NSD2: variants seen among roughly 807,000 people sequenced by gnomAD.
NSD2 encodes nuclear receptor binding SET domain protein 2, also known as histone-lysine N-methyltransferase NSD2.
A neutral mutation model predicts 139.0 loss-of-function variants in NSD2; 12 were observed. That is an observed-to-expected ratio of 0.09 (90% CI 0.06 to 0.14). NSD2 has a LOEUF of 0.14. Ranked by LOEUF, NSD2 falls within the 10% of genes least tolerant of loss-of-function variation. NSD2 has a pLI of 1.00. For synonymous variants in NSD2, 669 were observed against 648.7 expected (o/e 1.03, Z -0.48); for missense variants, 1,155 against 1,745.0 (o/e 0.66, Z 6.02).
Position 1,908,512 on chromosome 4 carries a change from C to T in NSD2, c.760+4134C>T, listed in dbSNP as rs577471143. 5.4e-4 allele frequency among the ~76,000 whole-genome samples: 82 copies of T among 152,322 alleles called. No individual in the cohort carries two copies. In the South Asian group the frequency reaches 0.017, roughly 31 times the overall value. On this transcript the variant is annotated intron_variant, in intron 3 of 21. Coordinates refer to ENST00000508803, the MANE Select transcript of NSD2 (RefSeq NM_001042424.3). ...ATTTGAAAAGCAGTTCAGAAGGAGT[C>T]AAGCCTGGGTAGATAACCCTCCAAC...
chr4:1,883,551 G>A (rs985206354), intron 1 of NSD2, among the ~76,000 whole-genome samples: 1 of 150,496 alleles, frequency 6.6e-6, no homozygotes, highest in Non-Finnish European at 1.5e-5. Flanking sequence ...AGAATTGCTT[G>A]AACCAGAAGG....
intron 1 of NSD2, among the ~76,000 whole-genome samples, chr4:1,888,899 G>GT (rs1274324016): frequency 8.2e-5 from 12 of 146,806 alleles, no homozygotes; most frequent in South Asian, 6.5e-4. Context: ...ATGTATATTA[G>GT]TATTTTTTTT....
In NSD2 at chr4:1,972,226, G is replaced by A. The variant is rs968508443; in HGVS notation, c.3373-2637G>A. On this transcript the variant is annotated intron_variant, in intron 18 of 21. Transcript: ENST00000508803. This position sits in a 1 kb window ranked among gnomAD's most constrained non-coding sequence, Gnocchi z 4.0. The stretch of plus-strand genomic sequence containing the variant: ...TTGATGCGTGTATTGAATGGAGCAG[G>A]CTTCTGTGGAAAGTTCGGCAGTGTC... 6.6e-6 allele frequency among the ~76,000 whole-genome samples: 1 copy of A among 152,220 alleles called. No individual in the cohort carries two copies. The highest frequency in any genetic ancestry group is 1.5e-5 in the Non-Finnish European group (1 of 68,052).
Position 1,918,115 on chromosome 4 carries a change from TAC to T in NSD2, c.928-24_928-23del, listed in dbSNP as rs763432475. On this transcript the variant is annotated intron_variant, in intron 4 of 21. Coordinates refer to ENST00000508803, the MANE Select transcript of NSD2 (RefSeq NM_001042424.3). ...ACTTTTATGTTTGTGTAGTGAAACTTACAGTGTCTCTTTTTTTTTTCCCAGCT... is the reference window on the plus strand; with the variant it reads ...ACTTTTATGTTTGTGTAGTGAAACTTAGTGTCTCTTTTTTTTTTCCCAGCT... The T allele has an allele frequency of 8.7e-4, 1,388 of 1,597,762 alleles. 3 individuals are homozygous for T. Among genetic ancestry groups the T allele is most frequent in the Middle Eastern group, 2.1e-3 (11 of 5,298 alleles).
intron 6 of NSD2, among the ~76,000 whole-genome samples, chr4:1,932,907 G>T (rs1298136756): frequency 6.6e-6 from 1 of 152,216 alleles, no homozygotes; most frequent in East Asian, 1.9e-4. Flanking sequence ...CGAGGCGCGG[G>T]GCTGGCTTTG....
At chr4:1,875,278 T>A (rs1331840995) in intron 1 of NSD2, among the ~76,000 whole-genome samples, 2 of 149,540 alleles carry the variant, frequency 1.3e-5, no homozygotes, top group Non-Finnish European at 3.0e-5. Flanking sequence ...TATAGCTTTT[T>A]ACTTTTTTTT....
At chr4:1,915,335 C>T (rs1452689243) in intron 3 of NSD2, among the ~76,000 whole-genome samples, 1 of 151,946 alleles carries the variant, frequency 6.6e-6, no homozygotes. Flanking sequence ...AGGATGGTCT[C>T]GATTTCCTGA....
intron 11 of NSD2, 147 bp downstream of exon 11, chr4:1,952,378 A>G: frequency 7.9e-7 from 1 of 1,260,744 alleles, no homozygotes; most frequent in African/African-American, 1.5e-5. Context: ...CTTGTAGCCC[A>G]CAGCTGGCAG....
intron 1 of NSD2, among the ~76,000 whole-genome samples, chr4:1,883,146 A>G (rs1714827288): frequency 6.6e-6 from 1 of 152,188 alleles, no homozygotes. Context: ...TGTCTGACAG[A>G]ACCAGATGGC....
At chr4:1,873,372 C>G (rs559266523) in intron 1 of NSD2, among the ~76,000 whole-genome samples, 1 of 152,126 alleles carries the variant, frequency 6.6e-6, no homozygotes, top group African/African-American at 2.4e-5. Context: ...CGTATCTATT[C>G]GTATGTAACA....
chr4:1,884,584 G>C (rs1160491428), intron 1 of NSD2, among the ~76,000 whole-genome samples: 2 of 151,776 alleles, frequency 1.3e-5, no homozygotes, highest in African/African-American at 4.8e-5. Context: ...AGTAGAGATG[G>C]GGTTTCACTA....
intron 4 of NSD2, among the ~76,000 whole-genome samples, chr4:1,917,279 A>G (rs1178480039): frequency 1.3e-5 from 2 of 152,176 alleles, no homozygotes; most frequent in Non-Finnish European, 2.9e-5. Flanking sequence ...TAGAATTTAT[A>G]TATACACATA....
At chr4:1,911,587 CAAAAAAAAAAAAAAA>C (rs372660600) in intron 3 of NSD2, among the ~76,000 whole-genome samples, 1 of 42,076 alleles carries the variant, frequency 2.4e-5, no homozygotes, top group Non-Finnish European at 4.6e-5. Context: ...GACGCCATCT[CAAAAAAAAAAAAAAA>C]AAAAAGAAAA....
Position 1,980,842 on chromosome 4 carries a change from A to C in NSD2, c.*1933A>C, listed in dbSNP as rs547970864. 10 of 233,318 alleles carry C rather than the reference A, an allele frequency of 4.3e-5. No homozygotes were observed. In the South Asian group the frequency reaches 9.0e-4, roughly 21 times the overall value. The allele number at this position is 233,318 out of a possible 1,614,324, so 14.5% of individuals were successfully genotyped here. A position where few individuals can be genotyped will look rare whatever the true frequency, so the allele number is the denominator to read the frequency against. ...TCCAGTTCAGACTCTAACTTCTCCCAAAGTGTCCTAAGAAAATACTGGATC... is the reference window on the plus strand; with the variant it reads ...TCCAGTTCAGACTCTAACTTCTCCCCAAGTGTCCTAAGAAAATACTGGATC... On this transcript the variant is annotated 3_prime_UTR_variant, in exon 22 of 22. Coordinates refer to ENST00000508803, the MANE Select transcript of NSD2 (RefSeq NM_001042424.3).
In NSD2 at chr4:1,957,928, T is replaced by C. The variant is rs747535030; in HGVS notation, c.2882-5T>C. ...ATCTTTACTCCTATTTCATTGACTTTTTAGCACTGCAAGAAGCTGAAGCTC... is the reference window on the plus strand; with the variant it reads ...ATCTTTACTCCTATTTCATTGACTTCTTAGCACTGCAAGAAGCTGAAGCTC... On this transcript the variant is annotated splice_region_variant and splice_polypyrimidine_tract_variant and intron_variant, in intron 15 of 21. Transcript: ENST00000508803. 6.2e-7 allele frequency: 1 copy of C among 1,613,900 alleles called. No homozygotes were observed. The highest frequency in any genetic ancestry group is 8.5e-7 in the Non-Finnish European group (1 of 1,179,872).
intron 1 of NSD2, among the ~76,000 whole-genome samples, chr4:1,885,497 G>A (rs1577359463): frequency 1.3e-5 from 2 of 152,306 alleles, no homozygotes; most frequent in East Asian, 3.9e-4. Flanking sequence ...AAACTTCTGA[G>A]GTAAAGGAAG....
chr4:1,938,387 C>CT, intron 7 of NSD2, 64 bp from the exon 8 acceptor site: 5 of 1,092,320 alleles, frequency 4.6e-6, no homozygotes, highest in East Asian at 3.4e-5. Context: ...CTTTTTTTTT[C>CT]CTTTTTTTCT....
chr4:1,958,891 A>G lies in NSD2; in HGVS notation c.2986-580A>G, dbSNP rs1022453011. The stretch of plus-strand genomic sequence containing the variant: ...CTTTCGCCACCTCTTCCCTAAGATT[A>G]TGCATTTCTACCCCAGCTGATTTTC... On this transcript the variant is annotated intron_variant, in intron 16 of 21. Transcript: ENST00000508803. The surrounding 1 kb of genome is among the most constrained non-coding windows in gnomAD (Gnocchi z 4.6). Among the ~76,000 whole-genome samples, 1 of 152,216 alleles carries G rather than the reference A, an allele frequency of 6.6e-6. No homozygotes were observed. Among genetic ancestry groups the G allele is most frequent in the Non-Finnish European group, 1.5e-5 (1 of 68,042 alleles).
chr4:1,875,602 TAAAA>T (rs773777990), intron 1 of NSD2, among the ~76,000 whole-genome samples: 3 of 152,144 alleles, frequency 2.0e-5, no homozygotes, highest in Non-Finnish European at 4.4e-5. Context: ...GTTTGCTAGT[TAAAA>T]AATCCAGACA....
Sources: gnomAD v4.1 joint callset for allele counts (sites outside exome capture counted in the v4.1 genomes callset) on GRCh38, gnomAD v4.1.1 for gene constraint, Gnocchi (gnomAD v3.1) non-coding constraint, MANE v1.5 for transcripts, NCBI Gene and HGNC (gene_info 2026-07-23, HGNC 2026-07-21) for gene names.